Variants in ZBTB44 observed in about 807,000 individuals in gnomAD.
ZBTB44 encodes the protein zinc finger and BTB domain-containing protein 44.
ZBTB44 carries 15 observed loss-of-function variants against 54.0 expected under a neutral mutation model. The ratio of observed to expected loss-of-function variants is 0.28; its 90% CI spans 0.19 to 0.43. The LOEUF (loss-of-function observed/expected upper bound fraction) is 0.43. Ranked by LOEUF, ZBTB44 falls within the 20% of genes least tolerant of loss-of-function variation. The probability of loss-of-function intolerance (pLI) is 1.00; values close to 1 mark genes in which losing one functional copy is unlikely to be tolerated. For synonymous variants in ZBTB44, 230 were observed against 250.1 expected, an observed-to-expected ratio of 0.92 and a Z score of 0.76; for missense variants, 487 against 707.1, an observed-to-expected ratio of 0.69 and a Z score of 3.53.
At chr11:130,281,626 A>G (rs1940524151) in intron 1 of ZBTB44, among the ~76,000 whole-genome samples, 1 of 151,502 alleles carries the variant, frequency 6.6e-6, no homozygotes, top group African/African-American at 2.4e-5. Context: ...GTCTCGTCTC[A>G]CTCTGTCACC....
intron 1 of ZBTB44, among the ~76,000 whole-genome samples, chr11:130,298,635 G>T (rs1033774635): frequency 4.6e-5 from 7 of 151,338 alleles, no homozygotes; most frequent in African/African-American, 1.7e-4. Context: ...GCCACTTTTT[G>T]TATTTTTAGT....
chr11:130,310,229 G>C (rs202105647), intron 1 of ZBTB44: 2 of 152,296 alleles, frequency 1.3e-5, no homozygotes, highest in Non-Finnish European at 2.9e-5. Flanking sequence ...AAGAGGCTGA[G>C]GCAGGAAGAT....
At chr11:130,244,667 GAAAAAAAAA>G (rs11360161) in intron 2 of ZBTB44, among the ~76,000 whole-genome samples, 18 of 104,802 alleles carry the variant, frequency 1.7e-4, no homozygotes, top group African/African-American at 5.9e-4. Flanking sequence ...ACTCTGTCTG[GAAAAAAAAA>G]AAAAAAAAAA....
At chr11:130,233,218 T>A (rs1404382643) in intron 7 of ZBTB44, 90 bp downstream of exon 7, 2 of 1,481,650 alleles carry the variant, frequency 1.3e-6, no homozygotes, top group Admixed American at 2.0e-5. Flanking sequence ...AATGACACAG[T>A]CAGGCATTAC....
chr11:130,262,391 G>A (rs988405218), intron 1 of ZBTB44, among the ~76,000 whole-genome samples: 15 of 152,214 alleles, frequency 9.9e-5, no homozygotes, highest in African/African-American at 3.4e-4. Flanking sequence ...GGCCTGCCTA[G>A]GCCTCCCAAA....
intron 2 of ZBTB44, among the ~76,000 whole-genome samples, chr11:130,260,092 C>T (rs1938748706): frequency 6.6e-6 from 1 of 152,190 alleles, no homozygotes; most frequent in South Asian, 2.1e-4. Flanking sequence ...CCATCACCTG[C>T]ACTTAAATGC....
chr11:130,258,840 C>G (rs1377817923), intron 2 of ZBTB44, among the ~76,000 whole-genome samples: 2 of 152,106 alleles, frequency 1.3e-5, no homozygotes, highest in Non-Finnish European at 2.9e-5. Flanking sequence ...TACAAGTTGC[C>G]TAGGCCACTG....
intron 1 of ZBTB44, among the ~76,000 whole-genome samples, chr11:130,292,150 CTGTT>C (rs1249102470): frequency 1.3e-5 from 2 of 152,170 alleles, no homozygotes; most frequent in African/African-American, 4.8e-5. Context: ...GTAACACAAT[CTGTT>C]TATCATTTAA....
At chr11:130,271,243 A>C (rs1939645554) in intron 1 of ZBTB44, among the ~76,000 whole-genome samples, 1 of 152,234 alleles carries the variant, frequency 6.6e-6, no homozygotes, top group East Asian at 1.9e-4. Context: ...ATTTCACATT[A>C]AAAGCATCAG....
At chr11:130,299,507 C>A (rs1474170056) in intron 1 of ZBTB44, among the ~76,000 whole-genome samples, 1 of 150,734 alleles carries the variant, frequency 6.6e-6, no homozygotes, top group Admixed American at 6.6e-5. Flanking sequence ...GAGCCGAGAC[C>A]GTGCCATTGC....
At chr11:130,263,158 C>T (rs902816929) in intron 1 of ZBTB44, among the ~76,000 whole-genome samples, 12 of 152,306 alleles carry the variant, frequency 7.9e-5, no homozygotes, top group African/African-American at 2.6e-4. Flanking sequence ...AGGCATAAAT[C>T]TCTGTTCCAA....
chr11:130,296,758 A>G, intron 1 of ZBTB44: 1 of 823,778 alleles, frequency 1.2e-6, no homozygotes, highest in Admixed American at 1.7e-5. Context: ...ATTGAAAAGA[A>G]CTACTTTCTT....
At chr11:130,251,615 A>G (rs1938012306) in intron 2 of ZBTB44, among the ~76,000 whole-genome samples, 1 of 152,124 alleles carries the variant, frequency 6.6e-6, no homozygotes, top group Non-Finnish European at 1.5e-5. Flanking sequence ...AGTGGGGGCC[A>G]ATATTCAAAT....
At chr11:130,304,990 G>T (rs551804462) in intron 1 of ZBTB44, among the ~76,000 whole-genome samples, 1 of 151,976 alleles carries the variant, frequency 6.6e-6, no homozygotes, top group African/African-American at 2.4e-5. Flanking sequence ...AATCAAGAAC[G>T]CAATCCCTTT....
chr11:130,291,973 A>G (rs1941323606), intron 1 of ZBTB44, among the ~76,000 whole-genome samples: 1 of 152,174 alleles, frequency 6.6e-6, no homozygotes, highest in Non-Finnish European at 1.5e-5. Flanking sequence ...TGTGCTTTAC[A>G]CTTTAGTAGC....
At chr11:130,293,666 G>A (rs1217608224) in intron 1 of ZBTB44, among the ~76,000 whole-genome samples, 1 of 151,594 alleles carries the variant, frequency 6.6e-6, no homozygotes, top group Non-Finnish European at 1.5e-5. Context: ...GTATGGTGGT[G>A]CACGCCGTCA....
At chr11:130,272,475 T>C (rs1233589627) in intron 1 of ZBTB44, among the ~76,000 whole-genome samples, 2 of 152,240 alleles carry the variant, frequency 1.3e-5, no homozygotes, top group Non-Finnish European at 2.9e-5. Flanking sequence ...TTGTCAGAGT[T>C]CTTTATATAT....
rs550363233 is a variant in ZBTB44 at position 130,254,479 on chromosome 11, T to C, written c.1018+6377A>G. Reference sequence around the variant, plus strand: ...GCCAAAAGACACATGAAAAAATGCTTATCATCACTGGCCATCAGAGAAATG... The same window carrying C: ...GCCAAAAGACACATGAAAAAATGCTCATCATCACTGGCCATCAGAGAAATG... On this transcript the variant is annotated intron_variant, in intron 2 of 7. Coordinates refer to ENST00000357899, the MANE Select transcript of ZBTB44 (RefSeq NM_001301098.2). Among the ~76,000 whole-genome samples, 181 of 152,180 alleles carry C rather than the reference T, an allele frequency of 1.2e-3. 5 individuals are homozygous for C. In the South Asian group the frequency reaches 0.034, roughly 29 times the overall value.
rs1953828226 is a variant in ZBTB44, at chr11:130,230,312, C to G, written c.*1452G>C. The G allele has an allele frequency of 6.6e-6, 1 of 151,774 alleles. No individual in the cohort carries two copies. Among genetic ancestry groups the G allele is most frequent in the Non-Finnish European group, 1.5e-5 (1 of 67,870 alleles). 9.4% of individuals were successfully genotyped at this position (151,774 alleles called of 1,614,324 possible). A position where few individuals can be genotyped will look rare whatever the true frequency, so the allele number is the denominator to read the frequency against. On this transcript the variant is annotated 3_prime_UTR_variant, in exon 8 of 8. Transcript: ENST00000357899. ...TTATAAACTGGGAGAGTCTCCTGAA[C>G]CAGCCTATTAGTTAGAAGGTAACTG...
Sources: gnomAD v4.1 joint callset for allele counts (sites outside exome capture counted in the v4.1 genomes callset) on GRCh38, gnomAD v4.1.1 for gene constraint, MANE v1.5 for transcripts, NCBI Gene and HGNC (gene_info 2026-07-23, HGNC 2026-07-21) for gene names.